LDLRAD4: variants seen among roughly 807,000 people sequenced by gnomAD.
LDLRAD4 encodes the protein low density lipoprotein receptor class A domain containing 4, also known as low-density lipoprotein receptor class A domain-containing protein 4.
In LDLRAD4, 5 loss-of-function variants were observed where a neutral mutation model predicts 17.0. The ratio of observed to expected loss-of-function variants is 0.29; its 90% CI spans 0.15 to 0.62. The LOEUF (loss-of-function observed/expected upper bound fraction) is 0.62, where lower values mean the gene tolerates loss of function less well. Among genes scored for constraint, LDLRAD4 ranks in the 20% least tolerant of loss-of-function variants. The pLI, the probability that LDLRAD4 is intolerant of heterozygous loss-of-function variation, is 0.84. For synonymous variants in LDLRAD4, 168 were observed against 171.8 expected (o/e 0.98, Z 0.17); for missense variants, 340 against 424.7 (o/e 0.80, Z 1.75).
chr18:13,557,295 C>A (rs2094493794), intron 3 of LDLRAD4, among the ~76,000 whole-genome samples: 2 of 44,238 alleles, frequency 4.5e-5, no homozygotes, highest in Admixed American at 6.3e-4. Context: ...GAGATCCTGT[C>A]TCAAAAGAAA....
chr18:13,495,443 A>G (rs570854144), intron 3 of LDLRAD4, among the ~76,000 whole-genome samples: 3 of 152,330 alleles, frequency 2.0e-5, no homozygotes, highest in South Asian at 2.1e-4. Flanking sequence ...AATGTTTTCT[A>G]TTCACCAGCC....
In LDLRAD4 at chr18:13,625,839, C is replaced by G. The variant is rs182209109; in HGVS notation, c.336+4568C>G. Among the ~76,000 whole-genome samples the G allele has an allele frequency of 3.4e-3, 471 of 139,946 alleles. 2 individuals carry two copies. The highest frequency in any genetic ancestry group is 0.012 in the African/African-American group (446 of 35,886). 91.8% of individuals were successfully genotyped at this position (139,946 alleles called of 152,430 possible). On this transcript the variant is annotated intron_variant, in intron 4 of 5. Coordinates refer to ENST00000359446, the Ensembl canonical transcript of LDLRAD4. ...TCCCCCCGCCAGAGCCCTCCTCCCC[C>G]CACCAGAGCCCTCCTCCCTCCACCA...
intron 3 of LDLRAD4, among the ~76,000 whole-genome samples, chr18:13,495,228 C>T (rs1031845225): frequency 2.0e-5 from 3 of 152,194 alleles, no homozygotes; most frequent in Non-Finnish European, 4.4e-5. Flanking sequence ...ATCATTTTGT[C>T]TCATGGCCTC....
intron 3 of LDLRAD4, among the ~76,000 whole-genome samples, chr18:13,557,374 A>G (rs1048393859): frequency 2.0e-5 from 3 of 152,052 alleles, no homozygotes; most frequent in African/African-American, 7.2e-5. Context: ...CTTCTCAAAC[A>G]CTAGTGCCTA....
At chr18:13,526,657 C>G (rs966971210) in intron 3 of LDLRAD4, 2 of 152,196 alleles carry the variant, frequency 1.3e-5, no homozygotes, top group African/African-American at 4.8e-5. Flanking sequence ...AATGTCAGTT[C>G]TACAATGATG....
chr18:13,388,576 G>C (rs557429651), intron 2 of LDLRAD4, among the ~76,000 whole-genome samples: 18 of 152,334 alleles, frequency 1.2e-4, no homozygotes, highest in African/African-American at 4.1e-4. Flanking sequence ...CTCTGGTTCC[G>C]TGAGTCCCAG....
intron 3 of LDLRAD4, among the ~76,000 whole-genome samples, chr18:13,445,065 A>T (rs2091294835): frequency 6.6e-6 from 1 of 152,204 alleles, no homozygotes; most frequent in South Asian, 2.1e-4. Context: ...GCAGTGTGAT[A>T]GGCTTTTACT....
chr18:13,495,752 C>T (rs558683456), intron 3 of LDLRAD4, among the ~76,000 whole-genome samples: 5 of 152,020 alleles, frequency 3.3e-5, no homozygotes, highest in South Asian at 2.1e-4. Flanking sequence ...TTTTGGAAGT[C>T]GAGTTACTAA....
intron 3 of LDLRAD4, among the ~76,000 whole-genome samples, chr18:13,470,029 C>T (rs952312452): frequency 6.6e-6 from 1 of 152,172 alleles, no homozygotes; most frequent in African/African-American, 2.4e-5. Context: ...ATTTGGAGTG[C>T]AATTAACAAC....
At chr18:13,291,997 G>A (rs1340989996) in intron 1 of LDLRAD4, among the ~76,000 whole-genome samples, 1 of 152,120 alleles carries the variant, frequency 6.6e-6, no homozygotes, top group Non-Finnish European at 1.5e-5. Context: ...TTCCCTTCTA[G>A]GCTACCAAAC....
chr18:13,488,180 C>T (rs10853234), intron 3 of LDLRAD4: 74,423 of 152,530 alleles, frequency 0.49, 19,578 homozygotes, highest in South Asian at 0.64. Context: ...CATCTCCCAT[C>T]GCTTGTCATC....
intron 3 of LDLRAD4, among the ~76,000 whole-genome samples, chr18:13,598,761 G>A (rs1044301553): frequency 3.3e-5 from 5 of 152,192 alleles, no homozygotes; most frequent in African/African-American, 1.2e-4. Flanking sequence ...TGTTCTTATG[G>A]CCTGCCTGTA....
At chr18:13,344,500 T>G (rs555122397) in intron 1 of LDLRAD4, among the ~76,000 whole-genome samples, 9 of 133,706 alleles carry the variant, frequency 6.7e-5, no homozygotes, top group Non-Finnish European at 1.4e-4. Context: ...GTAGTATAGT[T>G]TGAAGTCAGG....
chr18:13,593,169 C>T (rs927446760), intron 3 of LDLRAD4, among the ~76,000 whole-genome samples: 9 of 152,186 alleles, frequency 5.9e-5, no homozygotes, highest in African/African-American at 9.6e-5. Context: ...ATAAATTAGC[C>T]GGACATGGTG....
intron 1 of LDLRAD4, among the ~76,000 whole-genome samples, chr18:13,298,050 G>C (rs1322138613): frequency 6.6e-6 from 1 of 152,240 alleles, no homozygotes; most frequent in East Asian, 1.9e-4. Context: ...GACACCCTAG[G>C]GGGACAGGCC....
chr18:13,561,248 T>C (rs2094537675), intron 3 of LDLRAD4, among the ~76,000 whole-genome samples: 1 of 152,192 alleles, frequency 6.6e-6, no homozygotes, highest in Admixed American at 6.5e-5. Context: ...TAGGAAACAA[T>C]ATATAGGTAA....
chr18:13,643,311 TC>T (rs2042766122), intron 4 of LDLRAD4, 47 bp from the exon 6 acceptor site: 4 of 1,247,414 alleles, frequency 3.2e-6, no homozygotes, highest in Middle Eastern at 1.9e-4. Context: ...CTAATGATTT[TC>T]CTCTGTTTCT....
chr18:13,482,301 T>C (rs1288081502), intron 3 of LDLRAD4, among the ~76,000 whole-genome samples: 1 of 152,104 alleles, frequency 6.6e-6, no homozygotes, highest in African/African-American at 2.4e-5. Flanking sequence ...ACACTTCCTC[T>C]GCCAGGGACA....
intron 1 of LDLRAD4, among the ~76,000 whole-genome samples, chr18:13,370,231 C>G (rs2084358155): frequency 6.6e-6 from 1 of 152,184 alleles, no homozygotes; most frequent in South Asian, 2.1e-4. Flanking sequence ...GAAGAACTTG[C>G]CCTCACCTTC....
Sources: allele counts gnomAD v4.1 joint callset (sites outside exome capture counted in the v4.1 genomes callset), GRCh38; gene constraint gnomAD v4.1.1; transcripts MANE v1.5; gene names NCBI Gene and HGNC (gene_info 2026-07-23, HGNC 2026-07-21).